GPR155: variants seen among roughly 807,000 people sequenced by gnomAD.
GPR155 encodes lysosomal cholesterol signaling protein.
GPR155 carries 65 observed loss-of-function variants against 93.1 expected under a neutral mutation model. That is an observed-to-expected ratio of 0.70 (90% CI 0.57 to 0.86). The LOEUF is 0.86. GPR155 is among the 40% of genes least tolerant of loss of function. GPR155 has a pLI of 0.00. For synonymous variants in GPR155, 319 were observed against 360.1 expected, an observed-to-expected ratio of 0.89 and a Z score of 1.29; for missense variants, 838 against 1,034.8, an observed-to-expected ratio of 0.81 and a Z score of 2.61.
At chr2:174,469,088 AGAG>A (rs745378211) in intron 4 of GPR155, 21 bp from the exon 5 acceptor site, 1 of 1,609,794 alleles carries the variant, frequency 6.2e-7, no homozygotes, top group Non-Finnish European at 8.5e-7. Context: ...GAAATCAAAC[AGAG>A]GAGTTACAAT....
intron 11 of GPR155, among the ~76,000 whole-genome samples, 159 bp from the exon 12 acceptor site, chr2:174,446,906 C>T (rs551886070): frequency 1.3e-5 from 2 of 152,142 alleles, no homozygotes; most frequent in South Asian, 4.1e-4. Flanking sequence ...CTTCATGTTG[C>T]TTTAGAAGAA....
chr2:174,484,773 A>T (rs926614916), intron 1 of GPR155, among the ~76,000 whole-genome samples: 24 of 152,290 alleles, frequency 1.6e-4, no homozygotes, highest in African/African-American at 5.8e-4. Context: ...CTCTACAAAA[A>T]ATTAGCTGAG....
chr2:174,474,760 C>G (rs1035408691), intron 2 of GPR155, among the ~76,000 whole-genome samples: 9 of 152,028 alleles, frequency 5.9e-5, no homozygotes, highest in Non-Finnish European at 8.8e-5. Flanking sequence ...TGAGTGGGAT[C>G]AGACTTCTAG....
rs139693336 is a variant in GPR155 at position 174,445,121 on chromosome 2, A to G, written c.2069T>C (p.Val690Ala). The G allele has an allele frequency of 8.1e-6, 13 of 1,603,454 alleles. No homozygotes were observed. The highest frequency in any genetic ancestry group is 9.4e-6 in the Non-Finnish European group (11 of 1,170,478). Reference sequence around the variant, plus strand: ...CACGGCACAGAAAAACTGTAACTCAACATAAAGTCTTCCAGGCTCTTGGTT... The same window carrying G: ...CACGGCACAGAAAAACTGTAACTCAGCATAAAGTCTTCCAGGCTCTTGGTT... ...LFNQEPGRLY[V>A]ELQFFCAVFN... The change falls in exon 13 of 16, where the codon GTT (valine) becomes GCT (alanine). Residue 690 changes from valine (V) to alanine (A), a missense_variant. By Grantham distance (64) the Val-to-Ala change is moderately conservative. This residue lies in a region of GPR155 where 29 missense variants were observed against 67.1 expected (regional missense o/e 0.43). Coordinates refer to ENST00000392552, the MANE Select transcript of GPR155 (RefSeq NM_152529.7).
Position 174,465,843 on chromosome 2 carries a change from T to C in GPR155, c.1326A>G (p.Gly442=), listed in dbSNP as rs755015062. ...WNFVKEKNFV[G]QILVFVLLYS... is the part of the protein sequence containing the mutation. ...ACAATAGAACAAACACCAAAATTTG[T>C]CCAACAAAATTTTTTTCTTTAACAA... The change falls in exon 7 of 16, where the codon GGA becomes GGG. Residue 442 remains glycine, a synonymous_variant. Coordinates refer to ENST00000392552, the MANE Select transcript of GPR155 (RefSeq NM_152529.7). 6.2e-7 allele frequency: 1 copy of C among 1,609,198 alleles called. No individual in the cohort carries two copies.
chr2:174,456,759 T>C (rs943371160), intron 10 of GPR155, among the ~76,000 whole-genome samples: 1 of 152,216 alleles, frequency 6.6e-6, no homozygotes, highest in Non-Finnish European at 1.5e-5. Flanking sequence ...ATGCATATCA[T>C]TGATTACATC....
In GPR155 at chr2:174,461,682, A is replaced by C. The variant is rs1461612027; in HGVS notation, c.1385-10T>G. 1.2e-5 allele frequency: 17 copies of C among 1,465,658 alleles called. No homozygotes were observed. Among genetic ancestry groups the C allele is most frequent in the Non-Finnish European group, 1.4e-5 (15 of 1,046,202 alleles). The allele number at this position is 1,465,658 out of a possible 1,614,324, so 90.8% of individuals were successfully genotyped here. A position where few individuals can be genotyped will look rare whatever the true frequency, so the allele number is the denominator to read the frequency against. On this transcript the variant is annotated splice_polypyrimidine_tract_variant and intron_variant, in intron 7 of 15. Transcript: ENST00000392552. ...GAAATTGCTAGAAGGCCTAAGAATAAGAAGATTGAAAGAGAGACAGTTACT... is the reference window on the plus strand; with the variant it reads ...GAAATTGCTAGAAGGCCTAAGAATACGAAGATTGAAAGAGAGACAGTTACT...
rs1009005687 is a variant in GPR155 at position 174,433,911 on chromosome 2, T to C, written c.*2205A>G. The C allele has an allele frequency of 3.3e-5, 5 of 152,110 alleles. No individual in the cohort carries two copies. The highest frequency in any genetic ancestry group is 1.2e-4 in the African/African-American group (5 of 41,434). The allele number at this position is 152,110 out of a possible 1,614,324, so 9.4% of individuals were successfully genotyped here. ...TTAGTAATTTTAAAAATTATATATT[T>C]TTATACATGGACACTTTAAAAAGAC... On this transcript the variant is annotated 3_prime_UTR_variant, in exon 16 of 16. Transcript: ENST00000392552.
intron 3 of GPR155, among the ~76,000 whole-genome samples, chr2:174,471,231 A>C (rs1687988048): frequency 6.6e-6 from 1 of 151,892 alleles, no homozygotes; most frequent in Admixed American, 6.6e-5. Context: ...TCTCTACTAA[A>C]GATACAAAAA....
At chr2:174,446,822 C>G in intron 11 of GPR155, 75 bp from the exon 12 acceptor site, 1 of 1,351,446 alleles carries the variant, frequency 7.4e-7, no homozygotes, top group Non-Finnish European at 1.0e-6. Flanking sequence ...TAATGACTTC[C>G]TAAGAGAAAC....
chr2:174,472,899 C>T (rs1688036724), intron 3 of GPR155, 66 bp downstream of exon 3: 7 of 1,251,582 alleles, frequency 5.6e-6, no homozygotes, highest in Non-Finnish European at 7.9e-6. Context: ...CAGACATACC[C>T]CTGATGAATT....
chr2:174,481,925 G>C lies in GPR155; in HGVS notation c.32C>G (p.Thr11Ser), dbSNP rs1688336740. ...AGTCTTGGTCATATTGACTGCAATG[G>C]TTAAGTTCTCTGCAGGTAAATTAGA... is the stretch of plus-strand genomic sequence containing the variant. MNSNLPAENL[T>S]IAVNMTKTLP... The change falls in exon 2 of 16, where the codon ACC (threonine) becomes AGC (serine). Residue 11 changes from threonine to serine, a missense_variant. This residue lies in a region of GPR155 where 663 missense variants were observed against 790.1 expected (regional missense o/e 0.84). Coordinates refer to ENST00000392552, the MANE Select transcript of GPR155 (RefSeq NM_152529.7). The C allele has an allele frequency of 6.2e-7, 1 of 1,612,890 alleles. No individual in the cohort carries two copies. Among genetic ancestry groups the C allele is most frequent in the African/African-American group, 1.3e-5 (1 of 74,922 alleles).
At chr2:174,484,502 T>G (rs1574745941) in intron 1 of GPR155, among the ~76,000 whole-genome samples, 1 of 152,250 alleles carries the variant, frequency 6.6e-6, no homozygotes, top group African/African-American at 2.4e-5. Flanking sequence ...CCAATAATAT[T>G]TTTTAACCAA....
intron 13 of GPR155, among the ~76,000 whole-genome samples, chr2:174,443,376 T>C (rs776298733): frequency 2.6e-5 from 4 of 152,214 alleles, no homozygotes; most frequent in African/African-American, 4.8e-5. Context: ...TGATTTCAAA[T>C]GTGTGGGGTT....
chr2:174,476,425 G>A (rs759444566), intron 2 of GPR155, among the ~76,000 whole-genome samples: 15 of 152,092 alleles, frequency 9.9e-5, no homozygotes, highest in Non-Finnish European at 2.1e-4. Flanking sequence ...CCAACACGGT[G>A]AAACCCCATC....
chr2:174,474,583 C>G (rs932265201), intron 2 of GPR155, among the ~76,000 whole-genome samples: 4 of 151,624 alleles, frequency 2.6e-5, no homozygotes, highest in Non-Finnish European at 5.9e-5. Flanking sequence ...AAGAACAATG[C>G]TAGCTAAAAA....
chr2:174,461,989 G>A (rs1462555094), intron 7 of GPR155, among the ~76,000 whole-genome samples: 4 of 149,644 alleles, frequency 2.7e-5, no homozygotes, highest in Non-Finnish European at 6.0e-5. Flanking sequence ...AGGCTGGAGT[G>A]CAGAGGTGTG....
chr2:174,486,358 G>C (rs2105748260), intron 1 of GPR155, among the ~76,000 whole-genome samples: 1 of 152,326 alleles, frequency 6.6e-6, no homozygotes, highest in East Asian at 1.9e-4. Flanking sequence ...GAAGGCAGCT[G>C]TGGAAGTGGA....
chr2:174,443,682 C>A (rs1559098219), intron 13 of GPR155, among the ~76,000 whole-genome samples: 1 of 151,508 alleles, frequency 6.6e-6, no homozygotes, highest in Non-Finnish European at 1.5e-5. Flanking sequence ...TGAGCTAATG[C>A]CAATGCACTC....
Sources: allele counts gnomAD v4.1 joint callset (sites outside exome capture counted in the v4.1 genomes callset), GRCh38; gene constraint gnomAD v4.1.1; regional missense constraint gnomAD v4.1.1; transcripts MANE v1.5; gene names NCBI Gene and HGNC (gene_info 2026-07-23, HGNC 2026-07-21).